Variants in ITGA4 observed in about 807,000 individuals in gnomAD.
The protein encoded by ITGA4 is integrin subunit alpha 4.
ITGA4 carries 63 observed loss-of-function variants against 133.6 expected under a neutral mutation model. The ratio of observed to expected loss-of-function variants is 0.47; its 90% confidence interval spans 0.38 to 0.58. The LOEUF is 0.58. Ranked by LOEUF, ITGA4 falls within the 20% of genes least tolerant of loss-of-function variation. ITGA4 has a pLI of 0.00. For missense variants in ITGA4, 1,076 were observed against 1,252.7 expected, an observed-to-expected ratio of 0.86 and a Z score of 2.13; for synonymous variants, 483 against 438.0, an observed-to-expected ratio of 1.10 and a Z score of -1.28.
chr2:181,464,779 C>T (rs764442826), intron 2 of ITGA4, among the ~76,000 whole-genome samples: 2 of 152,060 alleles, frequency 1.3e-5, no homozygotes, highest in African/African-American at 2.4e-5. Context: ...GACAGTAACA[C>T]CTGCTCCTGA....
rs996361488 is a variant in ITGA4, at chr2:181,482,428, A to G, written c.903+6A>G. The stretch of plus-strand genomic sequence containing the variant: ...ATGAAATGAAAGGTAAAAAGGTAAT[A>G]TGTCTCTACCTTTAGTATCTCTGTG... On this transcript the variant is annotated splice_donor_region_variant and intron_variant, in intron 8 of 27. Coordinates refer to ENST00000397033, the MANE Select transcript of ITGA4 (RefSeq NM_000885.6). 6.2e-7 allele frequency: 1 copy of G among 1,613,394 alleles called. No homozygotes were observed. Among genetic ancestry groups the G allele is most frequent in the Non-Finnish European group, 8.5e-7 (1 of 1,179,518 alleles).
intron 9 of ITGA4, among the ~76,000 whole-genome samples, chr2:181,483,953 C>T (rs1685860025): frequency 6.6e-6 from 1 of 152,160 alleles, no homozygotes; most frequent in Admixed American, 6.5e-5. Flanking sequence ...CCTTTTCTTC[C>T]CTCATGCCTA....
chr2:181,470,728 A>C (rs1685528388), intron 2 of ITGA4, among the ~76,000 whole-genome samples: 1 of 152,050 alleles, frequency 6.6e-6, no homozygotes, highest in East Asian at 1.9e-4. Flanking sequence ...AGAAAAGAGA[A>C]GCTGGGCATG....
intron 17 of ITGA4, among the ~76,000 whole-genome samples, chr2:181,515,114 A>AT (rs1454340525): frequency 6.6e-6 from 1 of 152,072 alleles, no homozygotes; most frequent in East Asian, 1.9e-4. Context: ...TTCACAATTA[A>AT]TAGAGCTCCA....
intron 2 of ITGA4, among the ~76,000 whole-genome samples, chr2:181,473,555 A>G (rs940919938): frequency 6.6e-6 from 1 of 152,228 alleles, no homozygotes; most frequent in African/African-American, 2.4e-5. Flanking sequence ...TTGTGATTAA[A>G]GGTTTTGTTT....
At chr2:181,525,394 A>G (rs1014793899) in intron 21 of ITGA4, 103 bp downstream of exon 21, 33 of 611,240 alleles carry the variant, frequency 5.4e-5, no homozygotes, top group Non-Finnish European at 9.2e-5. Context: ...TTTTAAAATA[A>G]AAAGGATACT....
In ITGA4 at chr2:181,457,392, G is replaced by C; in HGVS notation, c.-263G>C. 1 of 427,692 alleles carries C rather than the reference G, an allele frequency of 2.3e-6. No homozygotes were observed. Among genetic ancestry groups the C allele is most frequent in the Non-Finnish European group, 4.2e-6 (1 of 237,818 alleles). The allele number at this position is 427,692 out of a possible 1,614,324, so 26.5% of individuals were successfully genotyped here. A position where few individuals can be genotyped will look rare whatever the true frequency, so the allele number is the denominator to read the frequency against. On this transcript the variant is annotated 5_prime_UTR_variant, in exon 1 of 28. Transcript: ENST00000397033. ...CCAGCGGCCCGTACCCGGAGAAGCA[G>C]CGCGAGCACCCGAAGCTCCCGGCTG...
intron 21 of ITGA4, among the ~76,000 whole-genome samples, chr2:181,526,821 C>CTTTTTTTTTTTTT (rs538208494): frequency 0.032 from 1,320 of 40,988 alleles, 474 homozygotes; most frequent in Non-Finnish European, 0.054. Context: ...AGCACATGGC[C>CTTTTTTTTTTTTT]TTTTTTTTTT....
At chr2:181,517,711 G>A (rs1686635355) in intron 17 of ITGA4, among the ~76,000 whole-genome samples, 1 of 152,012 alleles carries the variant, frequency 6.6e-6, no homozygotes, top group Non-Finnish European at 1.5e-5. Flanking sequence ...GGGAAAGAAA[G>A]TAGAATTGTA....
intron 2 of ITGA4, among the ~76,000 whole-genome samples, chr2:181,462,873 G>A (rs922565248): frequency 1.3e-5 from 2 of 152,170 alleles, no homozygotes; most frequent in Non-Finnish European, 2.9e-5. Context: ...GCTGAAATCC[G>A]TTGCACATGT....
Position 181,518,056 on chromosome 2 carries a change from G to T in ITGA4, c.1923-4135G>T, listed in dbSNP as rs144393833. Among the ~76,000 whole-genome samples the T allele has an allele frequency of 2.5e-3, 381 of 151,908 alleles. 1 individual carries two copies. Among genetic ancestry groups the T allele is most frequent in the African/African-American group, 8.6e-3 (358 of 41,460 alleles). On this transcript the variant is annotated intron_variant, in intron 17 of 27. Coordinates refer to ENST00000397033, the MANE Select transcript of ITGA4 (RefSeq NM_000885.6). ...CTAACATGATTATAGAGTTTGGGGT[G>T]GGGGGGCAGGATGTGGGACAGCCAT...
At chr2:181,501,136 G>GA (rs1220288259) in intron 15 of ITGA4, among the ~76,000 whole-genome samples, 1 of 152,134 alleles carries the variant, frequency 6.6e-6, no homozygotes, top group Non-Finnish European at 1.5e-5. Context: ...TAGGGCTTCT[G>GA]AAAACACAAA....
Position 181,536,765 on chromosome 2 carries a change from T to C in ITGA4, c.*1238T>C, listed in dbSNP as rs1416607701. 4.0e-6 allele frequency: 1 copy of C among 249,268 alleles called. No homozygotes were observed. The highest frequency in any genetic ancestry group is 1.0e-4 in the East Asian group (1 of 9,752). The allele number at this position is 249,268 out of a possible 1,614,324, so 15.4% of individuals were successfully genotyped here. ...CTGGATTTTAAAAAATTTCTTTAAA[T>C]ACAATCATTTTTGTAATATTTATTT... On this transcript the variant is annotated 3_prime_UTR_variant, in exon 28 of 28. Transcript: ENST00000397033.
At chr2:181,510,978 A>G (rs1574404834) in intron 16 of ITGA4, among the ~76,000 whole-genome samples, 1 of 152,000 alleles carries the variant, frequency 6.6e-6, no homozygotes, top group Non-Finnish European at 1.5e-5. Context: ...TAGGCACGCT[A>G]TTTGACAGTA....
intron 10 of ITGA4, among the ~76,000 whole-genome samples, chr2:181,488,556 T>C (rs1423216628): frequency 6.6e-6 from 1 of 152,022 alleles, no homozygotes; most frequent in Non-Finnish European, 1.5e-5. Flanking sequence ...TCCAGTTCTT[T>C]TTTTATTTTA....
At chr2:181,487,961 C>G (rs1462709284) in intron 10 of ITGA4, among the ~76,000 whole-genome samples, 1 of 152,224 alleles carries the variant, frequency 6.6e-6, no homozygotes, top group African/African-American at 2.4e-5. Context: ...CACAAAATCA[C>G]TGTTTAGTAA....
At chr2:181,484,969 A>G (rs1318049659) in intron 9 of ITGA4, among the ~76,000 whole-genome samples, 2 of 152,212 alleles carry the variant, frequency 1.3e-5, no homozygotes, top group African/African-American at 4.8e-5. Context: ...TCTTTTTAAT[A>G]CAAAAGACTG....
chr2:181,475,599 T>G (rs1187832951), intron 4 of ITGA4, among the ~76,000 whole-genome samples: 1 of 152,210 alleles, frequency 6.6e-6, no homozygotes, highest in East Asian at 1.9e-4. Context: ...ATAGGACATT[T>G]AAATTGTGAA....
At position 181,510,047 on chromosome 2, in the gene ITGA4, C is replaced by T. The variant is rs539753925; in HGVS notation, c.1845+240C>T. On this transcript the variant is annotated intron_variant, in intron 16 of 27. Transcript: ENST00000397033. ...GATTCTCATATAAAATGCTGATGTTCTATTTTTAATGCCTTGCCAGTGAAG... is the reference window on the plus strand; with the variant it reads ...GATTCTCATATAAAATGCTGATGTTTTATTTTTAATGCCTTGCCAGTGAAG... Among the ~76,000 whole-genome samples the T allele has an allele frequency of 3.3e-5, 5 of 152,084 alleles. No homozygotes were observed. The South Asian group carries it at 1.0e-3, about 32-fold the overall frequency.
Sources: allele counts gnomAD v4.1 joint callset (sites outside exome capture counted in the v4.1 genomes callset), GRCh38; gene constraint gnomAD v4.1.1; transcripts MANE v1.5; gene names NCBI Gene and HGNC (gene_info 2026-07-23, HGNC 2026-07-21).